QTMAN: variants seen among roughly 807,000 people sequenced by gnomAD.
QTMAN encodes the protein tRNA-queuosine alpha-mannosyltransferase.
At chr2:143,995,689 G>A in the QTMAN span, among the ~76,000 whole-genome samples, 1 of 152,112 alleles carries the variant, frequency 6.6e-6, no homozygotes, top group African/African-American at 2.4e-5. Flanking sequence ...GCTGCCTATA[G>A]AATTAGTAGA....
chr2:144,184,758 C>G, the QTMAN span, among the ~76,000 whole-genome samples: 2,319 of 152,142 alleles, frequency 0.015, 61 homozygotes, highest in African/African-American at 0.053. Flanking sequence ...CATTTGCATA[C>G]AGGGATGAGG....
the QTMAN span, among the ~76,000 whole-genome samples, chr2:144,293,019 A>G: frequency 6.6e-6 from 1 of 152,206 alleles, no homozygotes; most frequent in East Asian, 1.9e-4. Flanking sequence ...ATAATATTTG[A>G]TCACTTCTGC....
chr2:143,967,868 G>GA, the QTMAN span, among the ~76,000 whole-genome samples: 1 of 152,060 alleles, frequency 6.6e-6, no homozygotes, highest in African/African-American at 2.4e-5. Flanking sequence ...CTCCACCTGG[G>GA]AAAAAATGGA....
the QTMAN span, among the ~76,000 whole-genome samples, chr2:144,249,452 C>T: frequency 6.6e-6 from 1 of 152,150 alleles, no homozygotes; most frequent in African/African-American, 2.4e-5. Flanking sequence ...AGCTATTTAT[C>T]CACCCTCACT....
At chr2:144,084,767 T>C in the QTMAN span, among the ~76,000 whole-genome samples, 1 of 152,244 alleles carries the variant, frequency 6.6e-6, no homozygotes, top group East Asian at 1.9e-4. Context: ...CTTGGCACTC[T>C]ATTTTCTAGA....
At chr2:144,321,040 A>G in the QTMAN span, among the ~76,000 whole-genome samples, 2 of 152,186 alleles carry the variant, frequency 1.3e-5, no homozygotes, top group African/African-American at 4.8e-5. Flanking sequence ...CCCAACTTAG[A>G]AACACCCAAC....
At chr2:144,274,607 CTGAATGCAT>C in the QTMAN span, among the ~76,000 whole-genome samples, 2 of 152,356 alleles carry the variant, frequency 1.3e-5, no homozygotes, top group Non-Finnish European at 2.9e-5. Flanking sequence ...TTCCAGGTTG[CTGAATGCAT>C]AGAGGTACTG....
the QTMAN span, among the ~76,000 whole-genome samples, chr2:144,028,870 G>A: frequency 6.6e-6 from 1 of 152,158 alleles, no homozygotes; most frequent in Non-Finnish European, 1.5e-5. Context: ...TGGTAACTAT[G>A]CCAGTTAAAT....
At chr2:143,968,416 T>C in the QTMAN span, among the ~76,000 whole-genome samples, 1 of 152,104 alleles carries the variant, frequency 6.6e-6, no homozygotes, top group Non-Finnish European at 1.5e-5. Flanking sequence ...GAAGCCAAAG[T>C]GAGCAATAAT....
chr2:144,242,975 A>AAAAAAAAAAAAAG, the QTMAN span, among the ~76,000 whole-genome samples: 1 of 151,014 alleles, frequency 6.6e-6, no homozygotes, highest in African/African-American at 2.4e-5. Flanking sequence ...AAAAAAAAAA[A>AAAAAAAAAAAAAG]AAAAAAAAAA....
chr2:144,251,959 G>A, the QTMAN span, among the ~76,000 whole-genome samples: 1 of 152,184 alleles, frequency 6.6e-6, no homozygotes, highest in Non-Finnish European at 1.5e-5. Context: ...ACTTTGGGAG[G>A]TGGAGGTGGA....
chr2:144,112,307 A>T, the QTMAN span, among the ~76,000 whole-genome samples: 1 of 152,368 alleles, frequency 6.6e-6, no homozygotes, highest in East Asian at 1.9e-4. Flanking sequence ...AAAACACTGG[A>T]CATTATCTAT....
At chr2:144,027,988 A>G in the QTMAN span, among the ~76,000 whole-genome samples, 1 of 151,876 alleles carries the variant, frequency 6.6e-6, no homozygotes, top group African/African-American at 2.4e-5. Context: ...TAGTATCTAA[A>G]CTCCTTCGAC....
the QTMAN span, chr2:144,145,562 C>T: frequency 6.3e-7 from 1 of 1,598,462 alleles, no homozygotes; most frequent in African/African-American, 1.3e-5. Flanking sequence ...ATGATACAAT[C>T]CATACCTACC....
chr2:143,988,181 G>A, the QTMAN span, among the ~76,000 whole-genome samples: 2 of 152,178 alleles, frequency 1.3e-5, no homozygotes, highest in Non-Finnish European at 2.9e-5. Flanking sequence ...AACAGGAGAG[G>A]AACCACATTT....
At chr2:144,324,063 G>C in the QTMAN span, among the ~76,000 whole-genome samples, 13 of 151,966 alleles carry the variant, frequency 8.6e-5, no homozygotes, top group Non-Finnish European at 1.5e-4. Context: ...TTCATTAGTA[G>C]TTTTACAGAC....
chr2:144,005,251 T>G, the QTMAN span, among the ~76,000 whole-genome samples: 1 of 152,110 alleles, frequency 6.6e-6, no homozygotes, highest in African/African-American at 2.4e-5. Flanking sequence ...TTTTCTTTTC[T>G]CTTTTTCTTA....
At chr2:144,284,869 T>TA in the QTMAN span, among the ~76,000 whole-genome samples, 1 of 149,940 alleles carries the variant, frequency 6.7e-6, no homozygotes, top group South Asian at 2.1e-4. Flanking sequence ...CTCATCTCTA[T>TA]AAAAAAATTT....
the QTMAN span, among the ~76,000 whole-genome samples, chr2:143,982,955 G>T: frequency 6.6e-6 from 1 of 151,720 alleles, no homozygotes; most frequent in Non-Finnish European, 1.5e-5. Context: ...AACAAAATTG[G>T]CTTGCTTTAG....
Sources: allele counts gnomAD v4.1 joint callset (sites outside exome capture counted in the v4.1 genomes callset), GRCh38; gene constraint gnomAD v4.1.1; transcripts MANE v1.5; gene names NCBI Gene and HGNC (gene_info 2026-07-23, HGNC 2026-07-21).